Variants in AFF3 observed in about 807,000 individuals in gnomAD.
AFF3 encodes the protein ALF transcription elongation factor 3.
A neutral mutation model predicts 129.7 loss-of-function variants in AFF3; 32 were observed. That is an observed-to-expected ratio of 0.25 (90% CI 0.19 to 0.33). AFF3 has a LOEUF of 0.33. Among genes scored for constraint, AFF3 ranks in the 10% least tolerant of loss-of-function variants. AFF3 has a pLI of 1.00. For missense variants in AFF3, 1,373 were observed against 1,592.0 expected (o/e 0.86, Z 2.34); for synonymous variants, 644 against 635.4 (o/e 1.01, Z -0.20).
At chr2:100,131,020 C>T (rs973251522) in intron 1 of AFF3, among the ~76,000 whole-genome samples, 2 of 152,288 alleles carry the variant, frequency 1.3e-5, no homozygotes, top group East Asian at 3.9e-4. Flanking sequence ...TTCAGCTCCA[C>T]GTTTCTCTAG....
At chr2:99,867,370 C>G (rs559092510) in intron 7 of AFF3, among the ~76,000 whole-genome samples, 53 of 152,084 alleles carry the variant, frequency 3.5e-4, no homozygotes, top group Non-Finnish European at 5.9e-4. Flanking sequence ...TGAGATAAGG[C>G]GGCTCTCCCC....
At chr2:99,559,486 G>A (rs1329380964) in intron 21 of AFF3, among the ~76,000 whole-genome samples, 3 of 152,054 alleles carry the variant, frequency 2.0e-5, no homozygotes, top group African/African-American at 7.2e-5. Context: ...CACTATGCTG[G>A]GAATAGGTGC....
chr2:99,625,753 A>G (rs1682481198), intron 13 of AFF3, among the ~76,000 whole-genome samples: 1 of 152,348 alleles, frequency 6.6e-6, no homozygotes, highest in African/African-American at 2.4e-5. Flanking sequence ...GAACAGTCAG[A>G]AGATAAAAGT....
chr2:99,843,834 A>C (rs1309007609), intron 7 of AFF3, among the ~76,000 whole-genome samples: 1 of 152,240 alleles, frequency 6.6e-6, no homozygotes, highest in Non-Finnish European at 1.5e-5. Flanking sequence ...AAAAATAAAT[A>C]AGGATAACCT....
chr2:100,011,123 A>T (rs368072024), intron 4 of AFF3, among the ~76,000 whole-genome samples: 41 of 152,146 alleles, frequency 2.7e-4, no homozygotes, highest in African/African-American at 8.7e-4. Flanking sequence ...AAATACAAAA[A>T]ATTAGCCAGG....
chr2:100,126,096 G>C (rs921652590), intron 2 of AFF3, among the ~76,000 whole-genome samples: 4 of 152,196 alleles, frequency 2.6e-5, no homozygotes, highest in Non-Finnish European at 5.9e-5. Context: ...TAAATAGAGC[G>C]TGGCCAACTT....
chr2:99,608,613 T>C (rs1277043229), intron 13 of AFF3, among the ~76,000 whole-genome samples: 3 of 152,180 alleles, frequency 2.0e-5, no homozygotes, highest in East Asian at 1.9e-4. Flanking sequence ...TAAATGGCAG[T>C]AGACCCTCAG....
intron 7 of AFF3, among the ~76,000 whole-genome samples, chr2:99,942,490 G>T (rs1464021636): frequency 7.2e-6 from 1 of 138,238 alleles, no homozygotes; most frequent in African/African-American, 2.7e-5. Flanking sequence ...GACCAGAAAA[G>T]GCCTCAATGT....
chr2:99,615,663 A>C (rs961612860), intron 13 of AFF3, among the ~76,000 whole-genome samples: 1 of 152,198 alleles, frequency 6.6e-6, no homozygotes, highest in Non-Finnish European at 1.5e-5. Context: ...TGTGGGAGCC[A>C]GGGTGCATGG....
chr2:99,681,686 A>T (rs2104557264), intron 11 of AFF3, among the ~76,000 whole-genome samples: 1 of 152,306 alleles, frequency 6.6e-6, no homozygotes, highest in Middle Eastern at 3.4e-3. Flanking sequence ...ATGAACCAGA[A>T]AGCAGTTTCT....
At chr2:100,129,576 A>G (rs1267831674) in intron 1 of AFF3, among the ~76,000 whole-genome samples, 1 of 152,170 alleles carries the variant, frequency 6.6e-6, no homozygotes, top group African/African-American at 2.4e-5. Context: ...ATTGTGCTTC[A>G]CAAAATGCCC....
chr2:99,964,410 C>G (rs571993164), intron 7 of AFF3, among the ~76,000 whole-genome samples: 16 of 152,266 alleles, frequency 1.1e-4, no homozygotes, highest in Admixed American at 9.8e-4. Flanking sequence ...AGAGCATGTT[C>G]TCTAGATCAT....
chr2:99,712,509 A>T (rs76252191), intron 11 of AFF3, among the ~76,000 whole-genome samples: 3 of 152,250 alleles, frequency 2.0e-5, no homozygotes, highest in African/African-American at 7.2e-5. Context: ...GGCACAAAGC[A>T]TCTCAGAAGT....
intron 4 of AFF3, among the ~76,000 whole-genome samples, chr2:100,070,589 T>A (rs1362641309): frequency 6.6e-6 from 1 of 152,224 alleles, no homozygotes; most frequent in South Asian, 2.1e-4. Flanking sequence ...GTCAGTTATA[T>A]TTGCACACCG....
chr2:99,755,486 C>T (rs748005174), intron 8 of AFF3, among the ~76,000 whole-genome samples: 2 of 152,086 alleles, frequency 1.3e-5, no homozygotes, highest in African/African-American at 4.8e-5. Flanking sequence ...AGGCTGGTCT[C>T]GAACTTCCGA....
chr2:100,139,349 G>C (rs1373569176), intron 1 of AFF3, among the ~76,000 whole-genome samples: 3 of 152,106 alleles, frequency 2.0e-5, no homozygotes, highest in Non-Finnish European at 4.4e-5. Context: ...GTTTAAGCAG[G>C]ATCTAATTGG....
intron 7 of AFF3, among the ~76,000 whole-genome samples, chr2:99,912,576 T>C (rs928779573): frequency 3.3e-5 from 5 of 152,126 alleles, no homozygotes; most frequent in Admixed American, 6.6e-5. Flanking sequence ...CCAATAAACA[T>C]AGTTGTATTT....
intron 8 of AFF3, among the ~76,000 whole-genome samples, chr2:99,799,646 G>C (rs1685789631): frequency 6.6e-6 from 1 of 151,948 alleles, no homozygotes; most frequent in Admixed American, 6.6e-5. Flanking sequence ...CACAGAAAAG[G>C]TGTTAAAATA....
intron 4 of AFF3, among the ~76,000 whole-genome samples, chr2:100,011,235 C>CT (rs1682517721): frequency 6.6e-6 from 1 of 152,180 alleles, no homozygotes; most frequent in Non-Finnish European, 1.5e-5. Context: ...GATTGCGCCA[C>CT]TGCACTCCAG....
Sources: gnomAD v4.1 joint callset for allele counts (sites outside exome capture counted in the v4.1 genomes callset) on GRCh38, gnomAD v4.1.1 for gene constraint, MANE v1.5 for transcripts, NCBI Gene and HGNC (gene_info 2026-07-23, HGNC 2026-07-21) for gene names.